Variants in TOX2 observed in about 807,000 individuals in gnomAD.
TOX2 encodes the protein TOX high mobility group box family member 2.
In TOX2, 15 loss-of-function variants were observed where a neutral mutation model predicts 47.4. That is an observed-to-expected ratio of 0.32 (90% CI 0.21 to 0.49). TOX2 has a LOEUF of 0.49. TOX2 is among the 20% of genes least tolerant of loss of function. The pLI, the probability that TOX2 is intolerant of heterozygous loss-of-function variation, is 0.99. For synonymous variants in TOX2, 290 were observed against 296.6 expected, an observed-to-expected ratio of 0.98 and a Z score of 0.23; for missense variants, 622 against 673.1, an observed-to-expected ratio of 0.92 and a Z score of 0.84.
chr20:43,930,293 A>G (rs1332707229), intron 1 of TOX2, among the ~76,000 whole-genome samples: 1 of 152,136 alleles, frequency 6.6e-6, no homozygotes, highest in African/African-American at 2.4e-5. Context: ...TACCCTGTTT[A>G]TATGTTGTTG....
intron 2 of TOX2, among the ~76,000 whole-genome samples, chr20:44,000,656 C>A (rs1443253885): frequency 6.6e-6 from 1 of 151,922 alleles, no homozygotes; most frequent in African/African-American, 2.4e-5. Context: ...TGGATGAGAG[C>A]ACCAGGGAGT....
intron 5 of TOX2, among the ~76,000 whole-genome samples, chr20:44,057,729 T>A (rs1290717122): frequency 6.6e-6 from 1 of 152,044 alleles, no homozygotes; most frequent in African/African-American, 2.4e-5. Flanking sequence ...CAATAATCAT[T>A]TATTCAACTT....
At chr20:43,986,923 G>A (rs543669308) in intron 2 of TOX2, among the ~76,000 whole-genome samples, 1 of 152,140 alleles carries the variant, frequency 6.6e-6, no homozygotes, top group African/African-American at 2.4e-5. Flanking sequence ...AATTAGCCAG[G>A]TGTGCTGGTA....
At position 43,989,495 on chromosome 20, in the gene TOX2, T is replaced by G. The variant is rs144413559; in HGVS notation, c.165+16063T>G. ...TTTTAATTTTAAAAACAGCATATAT[T>G]AGGGCTAGGCACAGTGGCTCATGCC... On this transcript the variant is annotated intron_variant, in intron 2 of 8. Coordinates refer to ENST00000341197, the MANE Select transcript of TOX2 (RefSeq NM_001098797.2). Among the ~76,000 whole-genome samples, 382 of 152,272 alleles carry G rather than the reference T, an allele frequency of 2.5e-3. 5 individuals are homozygous for G. The highest frequency in any genetic ancestry group is 8.4e-3 in the African/African-American group (347 of 41,546).
chr20:43,934,418 G>A (rs1285524777), intron 1 of TOX2, among the ~76,000 whole-genome samples: 1 of 152,196 alleles, frequency 6.6e-6, no homozygotes, highest in Non-Finnish European at 1.5e-5. Flanking sequence ...AGGAGCTGAG[G>A]CTTGAGAGGT....
At chr20:44,031,744 TG>T (rs2071156437) in intron 3 of TOX2, among the ~76,000 whole-genome samples, 1 of 151,244 alleles carries the variant, frequency 6.6e-6, no homozygotes, top group African/African-American at 2.4e-5. Flanking sequence ...CAAGAAGGGG[TG>T]GATTTGGGAG....
chr20:44,026,240 TATATATATAGACACAC>T (rs1382975174), intron 3 of TOX2, among the ~76,000 whole-genome samples: 1 of 101,414 alleles, frequency 9.9e-6, no homozygotes, highest in Non-Finnish European at 2.0e-5. Context: ...TATATATATA[TATATATATAGACACAC>T]ACACACACAA....
chr20:44,017,401 C>T (rs930405510), intron 3 of TOX2, among the ~76,000 whole-genome samples: 1 of 152,124 alleles, frequency 6.6e-6, no homozygotes, highest in Non-Finnish European at 1.5e-5. Flanking sequence ...GGTGTCAACC[C>T]GGCTTTCCCT....
At chr20:43,945,937 G>A (rs771197258) in intron 1 of TOX2, 1 of 1,613,710 alleles carries the variant, frequency 6.2e-7, no homozygotes, top group South Asian at 1.1e-5. Flanking sequence ...CACAGAGGCT[G>A]TCGCGGGCGC....
chr20:44,006,499 C>T (rs372091606), intron 2 of TOX2, 48 bp from the exon 3 acceptor site: 11 of 1,562,858 alleles, frequency 7.0e-6, no homozygotes, highest in African/African-American at 6.8e-5. Context: ...GTATGTTCTG[C>T]GGTTGTAAGG....
chr20:44,001,787 G>A (rs2070587963), intron 2 of TOX2, among the ~76,000 whole-genome samples: 1 of 152,202 alleles, frequency 6.6e-6, no homozygotes, highest in South Asian at 2.1e-4. Context: ...GGGGCGTGTA[G>A]TATGCTGGGA....
intron 1 of TOX2, among the ~76,000 whole-genome samples, chr20:43,946,311 T>A (rs1372504540): frequency 6.6e-6 from 1 of 151,510 alleles, no homozygotes; most frequent in African/African-American, 2.4e-5. Context: ...CATTCATTCA[T>A]TCATTCATTC....
At chr20:44,010,415 G>A (rs1042928081) in intron 3 of TOX2, among the ~76,000 whole-genome samples, 3 of 152,022 alleles carry the variant, frequency 2.0e-5, no homozygotes, top group African/African-American at 4.8e-5. Context: ...ACTTTGCAAG[G>A]GTTCACTGAA....
intron 2 of TOX2, among the ~76,000 whole-genome samples, chr20:43,979,308 C>T (rs2070132864): frequency 6.6e-6 from 1 of 152,050 alleles, no homozygotes; most frequent in African/African-American, 2.4e-5. Flanking sequence ...AGCAGAGGAC[C>T]AATGACTCTG....
chr20:44,027,148 G>C (rs184664731), intron 3 of TOX2, among the ~76,000 whole-genome samples: 1 of 152,324 alleles, frequency 6.6e-6, no homozygotes, highest in East Asian at 1.9e-4. Flanking sequence ...AATGAGGGTG[G>C]CCAAAGAGAT....
intron 2 of TOX2, among the ~76,000 whole-genome samples, chr20:43,978,347 C>T (rs547346768): frequency 5.9e-5 from 9 of 152,288 alleles, no homozygotes; most frequent in East Asian, 1.9e-4. Context: ...CCTGTCATGT[C>T]CTGCCTCCCT....
chr20:43,921,409 C>G lies in TOX2; in HGVS notation c.99+6419C>G, dbSNP rs532946052. Among the ~76,000 whole-genome samples, 16 of 152,334 alleles carry G rather than the reference C, an allele frequency of 1.1e-4. 1 individual carries two copies. The South Asian group carries it at 3.3e-3, about 32-fold the overall frequency. On this transcript the variant is annotated intron_variant, in intron 1 of 8. Coordinates refer to ENST00000341197, the MANE Select transcript of TOX2 (RefSeq NM_001098797.2). ...GTTTGAACACTGCCTTCACCACCAT[C>G]AGGGCAGGCAAGTTATTTAACCTCC...
At chr20:44,053,706 A>G (rs947072816) in intron 4 of TOX2, among the ~76,000 whole-genome samples, 5 of 151,960 alleles carry the variant, frequency 3.3e-5, no homozygotes, top group Admixed American at 3.3e-4. Context: ...CATTCTTTCA[A>G]TGTCATACCA....
At chr20:43,931,488 T>C (rs1432627769) in intron 1 of TOX2, among the ~76,000 whole-genome samples, 1 of 152,160 alleles carries the variant, frequency 6.6e-6, no homozygotes, top group Non-Finnish European at 1.5e-5. Context: ...CCTGGAGGCT[T>C]TCACTGCTAT....
Sources: gnomAD v4.1 joint callset for allele counts (sites outside exome capture counted in the v4.1 genomes callset) on GRCh38, gnomAD v4.1.1 for gene constraint, MANE v1.5 for transcripts, NCBI Gene and HGNC (gene_info 2026-07-23, HGNC 2026-07-21) for gene names.